GABRB2: variants seen among roughly 807,000 people sequenced by gnomAD.
GABRB2 encodes gamma-aminobutyric acid receptor subunit beta-2.
GABRB2 carries 16 observed loss-of-function variants against 54.7 expected under a neutral mutation model. That is an observed-to-expected ratio of 0.29 (90% CI 0.20 to 0.44). GABRB2 has a LOEUF of 0.44. Ranked by LOEUF, GABRB2 falls within the 20% of genes least tolerant of loss-of-function variation. The probability of loss-of-function intolerance (pLI) is 1.00; values close to 1 mark genes in which losing one functional copy is unlikely to be tolerated. For synonymous variants in GABRB2, 244 were observed against 233.8 expected, an observed-to-expected ratio of 1.04 and a Z score of -0.40; for missense variants, 355 against 644.0, an observed-to-expected ratio of 0.55 and a Z score of 4.86.
At chr5:161,499,890 G>GCC (rs1759377552) in intron 3 of GABRB2, among the ~76,000 whole-genome samples, 1 of 151,888 alleles carries the variant, frequency 6.6e-6, no homozygotes, top group African/African-American at 2.4e-5. Context: ...ATATCTTGTA[G>GCC]CCCTTCACAC....
At chr5:161,311,338 AAG>A (rs1164950464) in intron 9 of GABRB2, among the ~76,000 whole-genome samples, 3 of 152,344 alleles carry the variant, frequency 2.0e-5, no homozygotes, top group African/African-American at 7.2e-5. Context: ...GAACTGAAGA[AAG>A]ATATTTTAAA....
At chr5:161,541,742 G>C (rs1054028668) in intron 3 of GABRB2, among the ~76,000 whole-genome samples, 3 of 152,214 alleles carry the variant, frequency 2.0e-5, no homozygotes, top group Non-Finnish European at 2.9e-5. Context: ...GTTGTGACTA[G>C]TTTGATCTTC....
chr5:161,527,835 G>A (rs1581060337), intron 3 of GABRB2, among the ~76,000 whole-genome samples: 1 of 149,726 alleles, frequency 6.7e-6, no homozygotes, highest in South Asian at 2.1e-4. Flanking sequence ...CCAGGACTGA[G>A]AGGTGTGACA....
intron 3 of GABRB2, among the ~76,000 whole-genome samples, chr5:161,476,349 T>C (rs1326507551): frequency 6.6e-6 from 1 of 151,936 alleles, no homozygotes; most frequent in Non-Finnish European, 1.5e-5. Flanking sequence ...ATTGTTAAGA[T>C]GTCAACACTA....
intron 9 of GABRB2, among the ~76,000 whole-genome samples, chr5:161,313,748 T>C (rs896416579): frequency 1.3e-5 from 2 of 152,190 alleles, no homozygotes; most frequent in African/African-American, 4.8e-5. Flanking sequence ...AGGGTGGGAC[T>C]GTAAGCCCCA....
chr5:161,387,688 C>G (rs73319062), intron 5 of GABRB2, among the ~76,000 whole-genome samples: 1 of 152,100 alleles, frequency 6.6e-6, no homozygotes, highest in African/African-American at 2.4e-5. Flanking sequence ...TCTTTCATGT[C>G]AAACTGTTTT....
intron 5 of GABRB2, among the ~76,000 whole-genome samples, chr5:161,376,219 G>A (rs990300219): frequency 6.6e-6 from 1 of 152,070 alleles, no homozygotes; most frequent in Admixed American, 6.6e-5. Flanking sequence ...AAAATAAAAG[G>A]GGAAGTGGGA....
rs145256136 is a variant in GABRB2, at chr5:161,439,960, T to C, written c.458+19664A>G. Among the ~76,000 whole-genome samples, 12 of 151,154 alleles carry C rather than the reference T, an allele frequency of 7.9e-5. No individual in the cohort carries two copies. The East Asian group carries it at 2.4e-3, about 30-fold the overall frequency. On this transcript the variant is annotated intron_variant, in intron 4 of 9. Transcript: ENST00000393959. Reference sequence around the variant, plus strand: ...ATAACAAACCTGCACATCTAGCACATGTACTCTGGAACTTAAAAGTTGTAG... The same window carrying C: ...ATAACAAACCTGCACATCTAGCACACGTACTCTGGAACTTAAAAGTTGTAG...
rs148170623 is a variant in GABRB2 at position 161,405,718 on chromosome 5, T to G, written c.541+5257A>C. On this transcript the variant is annotated intron_variant, in intron 5 of 9. Transcript: ENST00000393959. The stretch of plus-strand genomic sequence containing the variant: ...CATTTTTTTAAGTTATTAAAAATAC[T>G]GCATTTATGTTTACTGAAATATTAG... Among the ~76,000 whole-genome samples the G allele has an allele frequency of 2.2e-3, 334 of 152,236 alleles. 2 individuals carry two copies. The highest frequency in any genetic ancestry group is 7.5e-3 in the African/African-American group (310 of 41,566).
chr5:161,373,048 C>A (rs1366590148), intron 5 of GABRB2, among the ~76,000 whole-genome samples: 2 of 152,194 alleles, frequency 1.3e-5, no homozygotes, highest in African/African-American at 4.8e-5. Context: ...AAGCAACACA[C>A]TTGCTATTGT....
intron 3 of GABRB2, among the ~76,000 whole-genome samples, chr5:161,499,258 T>G (rs916064669): frequency 6.6e-6 from 1 of 152,174 alleles, no homozygotes; most frequent in African/African-American, 2.4e-5. Context: ...TATTTCTCTC[T>G]CTTATTTGAG....
intron 6 of GABRB2, 138 bp downstream of exon 6, chr5:161,336,494 T>A: frequency 9.9e-7 from 1 of 1,008,556 alleles, no homozygotes; most frequent in Non-Finnish European, 1.4e-6. Context: ...ATAGACTTCA[T>A]GGGAAACTGA....
chr5:161,465,458 T>C (rs1367940710), intron 3 of GABRB2, among the ~76,000 whole-genome samples: 1 of 152,162 alleles, frequency 6.6e-6, no homozygotes, highest in Non-Finnish European at 1.5e-5. Flanking sequence ...AATCCTCTGC[T>C]GACCTTATAT....
At chr5:161,466,238 A>G (rs1758272782) in intron 3 of GABRB2, among the ~76,000 whole-genome samples, 1 of 152,104 alleles carries the variant, frequency 6.6e-6, no homozygotes, top group African/African-American at 2.4e-5. Context: ...TGTCAAAATG[A>G]CATTCTGGAA....
chr5:161,426,592 T>C lies in GABRB2; in HGVS notation c.459-15535A>G, dbSNP rs554319618. 2.5e-4 allele frequency among the ~76,000 whole-genome samples: 38 copies of C among 152,200 alleles called. No individual in the cohort carries two copies. In the South Asian group the frequency reaches 4.4e-3, roughly 17 times the overall value. ...TGAAATGAAGAAAAACATCCCCTTG[T>C]ACCCAAATGATGGCATATTTAGTAA... On this transcript the variant is annotated intron_variant, in intron 4 of 9. Transcript: ENST00000393959.
At chr5:161,443,532 GC>G (rs1456774958) in intron 4 of GABRB2, among the ~76,000 whole-genome samples, 13 of 152,148 alleles carry the variant, frequency 8.5e-5, no homozygotes, top group Non-Finnish European at 1.9e-4. Context: ...ATTTTATTCA[GC>G]TCCATAAGTC....
intron 3 of GABRB2, among the ~76,000 whole-genome samples, chr5:161,507,300 A>G (rs1384394075): frequency 6.6e-6 from 1 of 152,106 alleles, no homozygotes; most frequent in Non-Finnish European, 1.5e-5. Flanking sequence ...CCTGTTATTT[A>G]ATGGCAAATA....
chr5:161,347,001 G>A (rs568023512), intron 5 of GABRB2, among the ~76,000 whole-genome samples: 24 of 152,138 alleles, frequency 1.6e-4, no homozygotes, highest in Admixed American at 4.6e-4. Flanking sequence ...GAGAAACTTC[G>A]GAGGTGGACA....
chr5:161,300,450 A>G (rs1246608291), intron 9 of GABRB2, among the ~76,000 whole-genome samples: 1 of 152,234 alleles, frequency 6.6e-6, no homozygotes, highest in African/African-American at 2.4e-5. Context: ...AGAAAAATGA[A>G]CTGAATTACC....
Sources: allele counts gnomAD v4.1 joint callset (sites outside exome capture counted in the v4.1 genomes callset), GRCh38; gene constraint gnomAD v4.1.1; transcripts MANE v1.5; gene names NCBI Gene and HGNC (gene_info 2026-07-23, HGNC 2026-07-21).